Variants in RFX3 observed in about 807,000 individuals in gnomAD.
RFX3 encodes the protein regulatory factor X3.
A neutral mutation model predicts 98.6 loss-of-function variants in RFX3; 14 were observed. The observed-to-expected ratio is 0.14, with a 90% CI of 0.09 to 0.22. RFX3 has a LOEUF of 0.22. RFX3 is among the 10% of genes least tolerant of loss of function. The pLI is 1.00. For synonymous variants in RFX3, 383 were observed against 328.4 expected (o/e 1.17, Z -1.80); for missense variants, 639 against 926.9 (o/e 0.69, Z 4.03).
chr9:3,500,376 T>C (rs909569305), intron 1 of RFX3, among the ~76,000 whole-genome samples: 5 of 152,142 alleles, frequency 3.3e-5, no homozygotes, highest in African/African-American at 9.7e-5. Context: ...AAATGTGGAT[T>C]CATTTTCCGG....
chr9:3,424,431 G>A (rs1271908936), intron 1 of RFX3, among the ~76,000 whole-genome samples: 1 of 123,888 alleles, frequency 8.1e-6, no homozygotes, highest in Admixed American at 1.1e-4. Context: ...GCGCGATCTC[G>A]ACTCACTGCA....
intron 1 of RFX3, among the ~76,000 whole-genome samples, chr9:3,496,895 C>T (rs1391412767): frequency 6.6e-6 from 1 of 152,030 alleles, no homozygotes; most frequent in Non-Finnish European, 1.5e-5. Flanking sequence ...TGGCATACAA[C>T]TGTCTCATAC....
intron 3 of RFX3, among the ~76,000 whole-genome samples, chr9:3,335,733 A>C (rs1833103686): frequency 6.6e-6 from 1 of 152,208 alleles, no homozygotes. Context: ...AATGAATATG[A>C]ACACATCGAT....
At chr9:3,230,755 C>T (rs1043308625) in intron 15 of RFX3, among the ~76,000 whole-genome samples, 35 of 152,314 alleles carry the variant, frequency 2.3e-4, no homozygotes, top group African/African-American at 8.2e-4. Flanking sequence ...ATTCTAAACA[C>T]ACCTTTATAC....
intron 1 of RFX3, among the ~76,000 whole-genome samples, chr9:3,416,018 G>C (rs1842947424): frequency 6.6e-6 from 1 of 152,098 alleles, no homozygotes; most frequent in South Asian, 2.1e-4. Context: ...TCTAACATGT[G>C]CACAACATGT....
intron 1 of RFX3, among the ~76,000 whole-genome samples, chr9:3,478,965 GAA>G (rs879802436): frequency 8.5e-5 from 13 of 152,124 alleles, no homozygotes; most frequent in Non-Finnish European, 1.3e-4. Context: ...CACTCTCTCT[GAA>G]AAGAGTTTTC....
At chr9:3,413,256 T>C (rs1455298845) in intron 1 of RFX3, among the ~76,000 whole-genome samples, 1 of 152,082 alleles carries the variant, frequency 6.6e-6, no homozygotes, top group African/African-American at 2.4e-5. Flanking sequence ...TACTGTAATG[T>C]ATACCAAGTA....
chr9:3,392,413 C>A (rs868029643), intron 2 of RFX3, among the ~76,000 whole-genome samples: 5 of 149,458 alleles, frequency 3.3e-5, no homozygotes, highest in Middle Eastern at 3.2e-3. Context: ...AAAAGGAACA[C>A]ATAGGAATTT....
intron 2 of RFX3, among the ~76,000 whole-genome samples, chr9:3,352,954 C>T (rs1038155368): frequency 6.6e-6 from 1 of 151,898 alleles, no homozygotes; most frequent in Non-Finnish European, 1.5e-5. Flanking sequence ...ACCCAAATGT[C>T]CAACAATGAT....
At chr9:3,260,826 T>C (rs1175899157) in intron 13 of RFX3, among the ~76,000 whole-genome samples, 6 of 150,478 alleles carry the variant, frequency 4.0e-5, no homozygotes, top group African/African-American at 1.5e-4. Context: ...ATGATATTTT[T>C]TAAAACTTCA....
intron 3 of RFX3, among the ~76,000 whole-genome samples, chr9:3,340,018 G>A (rs996997192): frequency 2.0e-5 from 3 of 152,148 alleles, no homozygotes; most frequent in African/African-American, 7.2e-5. Context: ...CAAGGCTACA[G>A]TAACCAAAAC....
At position 3,219,906 on chromosome 9, in the gene RFX3, G is replaced by A. The variant is rs137996648; in HGVS notation, c.*5136C>T. 15 of 152,222 alleles carry A rather than the reference G, an allele frequency of 9.9e-5. No homozygotes were observed. Among genetic ancestry groups the A allele is most frequent in the African/African-American group, 3.6e-4 (15 of 41,528 alleles). 9.4% of individuals were successfully genotyped at this position (152,222 alleles called of 1,614,324 possible). A position where few individuals can be genotyped will look rare whatever the true frequency, so the allele number is the denominator to read the frequency against. ...TACACTCTTATTTGCACCCAGCTAG[G>A]GCAGCGCAAGCACATCTGCAGACAA... On this transcript the variant is annotated 3_prime_UTR_variant, in exon 17 of 17. Coordinates refer to ENST00000617270, the MANE Select transcript of RFX3 (RefSeq NM_001282116.2).
chr9:3,524,091 A>G (rs1260865113), intron 1 of RFX3, among the ~76,000 whole-genome samples: 1 of 152,114 alleles, frequency 6.6e-6, no homozygotes, highest in Non-Finnish European at 1.5e-5. Context: ...TAGAAAGAAG[A>G]CTATTTGAAT....
At chr9:3,326,385 A>C (rs1831920060) in intron 4 of RFX3, among the ~76,000 whole-genome samples, 1 of 152,178 alleles carries the variant, frequency 6.6e-6, no homozygotes, top group South Asian at 2.1e-4. Flanking sequence ...GGTTTGTTAC[A>C]TAAGTAAATG....
intron 4 of RFX3, among the ~76,000 whole-genome samples, chr9:3,313,668 A>G (rs1319579420): frequency 2.0e-5 from 3 of 152,242 alleles, no homozygotes; most frequent in Non-Finnish European, 2.9e-5. Flanking sequence ...CAGTCTAGAG[A>G]AATCCTTAAA....
chr9:3,465,826 A>G (rs1020398554), intron 1 of RFX3, among the ~76,000 whole-genome samples: 2 of 152,154 alleles, frequency 1.3e-5, no homozygotes, highest in African/African-American at 4.8e-5. Flanking sequence ...AAAAAGAAAA[A>G]GCAAAAGTGG....
At chr9:3,360,451 T>C (rs77593090) in intron 2 of RFX3, among the ~76,000 whole-genome samples, 1 of 152,084 alleles carries the variant, frequency 6.6e-6, no homozygotes, top group Non-Finnish European at 1.5e-5. Flanking sequence ...CACATCAGTA[T>C]GTTGGCAGCA....
At chr9:3,240,014 C>A (rs536485) in intron 15 of RFX3, among the ~76,000 whole-genome samples, 118,345 of 152,152 alleles carry the variant, frequency 0.78, 48,838 homozygotes, top group East Asian at 0.97. Context: ...GAAGACTGGG[C>A]TGAGGTGTCC....
intron 1 of RFX3, among the ~76,000 whole-genome samples, chr9:3,404,724 A>G: frequency 6.6e-6 from 1 of 152,162 alleles, no homozygotes; most frequent in East Asian, 1.9e-4. Context: ...GATAAGTGTG[A>G]AATTTCATGT....
Sources: allele counts gnomAD v4.1 joint callset (sites outside exome capture counted in the v4.1 genomes callset), GRCh38; gene constraint gnomAD v4.1.1; transcripts MANE v1.5; gene names NCBI Gene and HGNC (gene_info 2026-07-23, HGNC 2026-07-21).